The following USH2A variants were observed in gnomAD, a reference collection of about 807,000 sequenced individuals.
USH2A encodes usherin, also known as Usher syndrome 2A (autosomal recessive, mild).
USH2A carries 443 observed loss-of-function variants against 538.9 expected under a neutral mutation model. That is an observed-to-expected ratio of 0.82 (90% CI 0.76 to 0.89). USH2A has a LOEUF of 0.89. Among genes scored for constraint, USH2A ranks in the 40% least tolerant of loss-of-function variants. The pLI is 0.00. For missense variants in USH2A, 6,633 were observed against 6,324.8 expected (o/e 1.05, Z -1.65); for synonymous variants, 2,413 against 2,273.5 (o/e 1.06, Z -1.75).
At chr1:216,291,312 A>T (rs1179760673) in intron 10 of USH2A, among the ~76,000 whole-genome samples, 1 of 152,086 alleles carries the variant, frequency 6.6e-6, no homozygotes, top group Non-Finnish European at 1.5e-5. Flanking sequence ...TGTTTCCCTA[A>T]TTGTAAGCCT....
intron 71 of USH2A, among the ~76,000 whole-genome samples, chr1:215,627,036 T>C (rs1179800316): frequency 6.6e-6 from 1 of 152,208 alleles, no homozygotes; most frequent in Non-Finnish European, 1.5e-5. Context: ...TCAAACAGCC[T>C]GTGATTTTAA....
intron 30 of USH2A, among the ~76,000 whole-genome samples, chr1:216,059,318 C>T (rs1183724193): frequency 1.3e-5 from 2 of 152,058 alleles, no homozygotes; most frequent in African/African-American, 4.8e-5. Context: ...TTTATATGGC[C>T]CATAAAGTAT....
In USH2A at chr1:216,422,037, A is replaced by G; in HGVS notation, c.300T>C (p.Leu100=). Residue 100 remains leucine (L), a synonymous_variant, in exon 2 of 72, where the codon CTT becomes CTC. Transcript: ENST00000307340. ...YRSSHPTYTA[L]FSAGLSSCIT... is the part of the protein sequence containing the mutation. ...TGCAGCTACTGAGGCCTGCTGAGAA[A>G]AGGGCAGTGTAGGTAGGGTGTGAAG... The G allele has an allele frequency of 4.3e-6, 7 of 1,613,908 alleles. No individual in the cohort carries two copies. Among genetic ancestry groups the G allele is most frequent in the Non-Finnish European group, 5.9e-6 (7 of 1,179,936 alleles).
chr1:215,763,669 T>A (rs192076998), intron 56 of USH2A, among the ~76,000 whole-genome samples: 27 of 152,200 alleles, frequency 1.8e-4, no homozygotes, highest in African/African-American at 6.5e-4. Flanking sequence ...AATGGGACTT[T>A]ATGGAGGTGA....
At chr1:215,656,655 G>A (rs777161910) in intron 64 of USH2A, among the ~76,000 whole-genome samples, 5 of 152,154 alleles carry the variant, frequency 3.3e-5, no homozygotes, top group Non-Finnish European at 5.9e-5. Flanking sequence ...AGTTGTATTA[G>A]TAAAAGTGTT....
At position 216,198,576 on chromosome 1, in the gene USH2A, T is replaced by C. The variant is rs989235522; in HGVS notation, c.3820A>G (p.Ile1274Val). Reference sequence around the variant, plus strand: ...CTTCTCATGTATAGTTCATATCTTATAATTATTCCTAGAGAAATTAAATAG... The same window carrying C: ...CTTCTCATGTATAGTTCATATCTTACAATTATTCCTAGAGAAATTAAATAG... ...SPPAELNGII[I>V]RYELYMRRLR... Residue 1274 changes from isoleucine to valine, a missense_variant, in exon 18 of 72, where the codon ATA becomes GTA. Physicochemically the swap from Ile to Val is conservative, Grantham distance 29. Transcript: ENST00000307340. The C allele has an allele frequency of 6.2e-7, 1 of 1,612,572 alleles. No individual in the cohort carries two copies. Among genetic ancestry groups the C allele is most frequent in the African/African-American group, 1.3e-5 (1 of 75,052 alleles).
intron 32 of USH2A, among the ~76,000 whole-genome samples, chr1:216,018,727 T>G (rs1668775927): frequency 6.6e-6 from 1 of 152,178 alleles, no homozygotes; most frequent in Admixed American, 6.5e-5. Flanking sequence ...TTCTCCATCT[T>G]CTAATCAATA....
intron 32 of USH2A, among the ~76,000 whole-genome samples, chr1:216,035,901 C>A (rs1011039545): frequency 3.9e-5 from 6 of 151,970 alleles, no homozygotes; most frequent in Non-Finnish European, 7.4e-5. Context: ...ATAACTGTAA[C>A]CAATGCACTT....
At chr1:216,131,582 A>G (rs2033377635) in intron 21 of USH2A, among the ~76,000 whole-genome samples, 2 of 152,088 alleles carry the variant, frequency 1.3e-5, no homozygotes, top group African/African-American at 4.8e-5. Flanking sequence ...GTTTTCTCAC[A>G]AAATGATCAA....
At chr1:216,094,955 G>GGTGTGT (rs34985923) in intron 22 of USH2A, among the ~76,000 whole-genome samples, 29 of 147,852 alleles carry the variant, frequency 2.0e-4, no homozygotes, top group African/African-American at 4.5e-4. Flanking sequence ...TGCGTGTGTA[G>GGTGTGT]GTGTGTGTGT....
chr1:216,422,028 T>G lies in USH2A; in HGVS notation c.309A>C (p.Ala103=), dbSNP rs150858753. 2 of 1,613,832 alleles carry G rather than the reference T, an allele frequency of 1.2e-6. No homozygotes were observed. The highest frequency in any genetic ancestry group is 2.7e-5 in the African/African-American group (2 of 74,926). Residue 103 remains alanine (A), a synonymous_variant, in exon 2 of 72, where the codon GCA becomes GCC. Coordinates refer to ENST00000307340, the MANE Select transcript of USH2A (RefSeq NM_206933.4). The part of the protein sequence containing the change: ...SHPTYTALFS[A]GLSSCITPDK... The stretch of plus-strand genomic sequence containing the variant: ...CTGGTGTGATGCAGCTACTGAGGCC[T>G]GCTGAGAAAAGGGCAGTGTAGGTAG...
At chr1:215,697,502 T>C (rs561643897) in intron 61 of USH2A, among the ~76,000 whole-genome samples, 1 of 144,528 alleles carries the variant, frequency 6.9e-6, no homozygotes, top group African/African-American at 2.5e-5. Flanking sequence ...ATCCTACTTC[T>C]GCTTTTAAAA....
chr1:215,936,034 G>GA (rs1666484675), intron 37 of USH2A, among the ~76,000 whole-genome samples: 1 of 151,288 alleles, frequency 6.6e-6, no homozygotes, highest in East Asian at 2.0e-4. Context: ...CACAGAGTGA[G>GA]ATTTTTTTAT....
intron 50 of USH2A, among the ~76,000 whole-genome samples, chr1:215,795,104 T>C (rs962037754): frequency 6.6e-6 from 1 of 152,200 alleles, no homozygotes; most frequent in Non-Finnish European, 1.5e-5. Flanking sequence ...ATCATCATAT[T>C]GACTCTTCCC....
intron 6 of USH2A, 81 bp downstream of exon 6, chr1:216,325,224 G>T: frequency 6.9e-7 from 1 of 1,447,106 alleles, no homozygotes; most frequent in Non-Finnish European, 9.7e-7. Context: ...ATATATTTCT[G>T]TTGTTTTAAG....
At chr1:215,794,792 T>C (rs1662080898) in intron 50 of USH2A, among the ~76,000 whole-genome samples, 1 of 152,140 alleles carries the variant, frequency 6.6e-6, no homozygotes, top group African/African-American at 2.4e-5. Flanking sequence ...TGCGACATCA[T>C]CTTGGAGTAA....
chr1:215,683,663 C>T (rs1407207526), intron 61 of USH2A, among the ~76,000 whole-genome samples: 6 of 152,136 alleles, frequency 3.9e-5, no homozygotes, highest in African/African-American at 7.2e-5. Flanking sequence ...TCACTAAAGA[C>T]GATTTTCCTT....
intron 26 of USH2A, among the ~76,000 whole-genome samples, chr1:216,079,477 G>A (rs180752076): frequency 3.9e-5 from 6 of 152,232 alleles, no homozygotes; most frequent in Admixed American, 2.0e-4. Context: ...CCCCAAGGAG[G>A]GGGACTAATA....
intron 3 of USH2A, among the ~76,000 whole-genome samples, chr1:216,379,670 A>G (rs1037229636): frequency 2.0e-5 from 3 of 152,200 alleles, no homozygotes; most frequent in African/African-American, 7.2e-5. Flanking sequence ...CTGAGGAACT[A>G]GAGACTTACA....
Sources: gnomAD v4.1 joint callset for allele counts (sites outside exome capture counted in the v4.1 genomes callset) on GRCh38, gnomAD v4.1.1 for gene constraint, MANE v1.5 for transcripts, NCBI Gene and HGNC (gene_info 2026-07-23, HGNC 2026-07-21) for gene names.